The following PHYHIPL variants were observed in gnomAD, a reference collection of about 807,000 sequenced individuals.
PHYHIPL encodes phytanoyl-CoA 2-hydroxylase interacting protein like.
A neutral mutation model predicts 33.4 loss-of-function variants in PHYHIPL; 9 were observed. The observed-to-expected ratio is 0.27, with a 90% CI of 0.16 to 0.47. PHYHIPL has a LOEUF of 0.47. Among genes scored for constraint, PHYHIPL ranks in the 20% least tolerant of loss-of-function variants. The pLI is 0.99. For synonymous variants in PHYHIPL, 153 were observed against 154.1 expected, an observed-to-expected ratio of 0.99 and a Z score of 0.05; for missense variants, 365 against 460.7, an observed-to-expected ratio of 0.79 and a Z score of 1.90.
At chr10:59,221,641 T>G in intron 1 of PHYHIPL, 1 of 980,180 alleles carries the variant, frequency 1.0e-6, no homozygotes, top group Non-Finnish European at 1.2e-6. Flanking sequence ...GTCAGTGGAA[T>G]CAGAATTTTG....
At chr10:59,227,360 T>C (rs1839954264) in intron 1 of PHYHIPL, among the ~76,000 whole-genome samples, 1 of 152,070 alleles carries the variant, frequency 6.6e-6, no homozygotes, top group Admixed American at 6.5e-5. Flanking sequence ...ACGACACTCT[T>C]TCTCTGAAAC....
intron 2 of PHYHIPL, among the ~76,000 whole-genome samples, chr10:59,235,406 G>T (rs918574304): frequency 6.6e-6 from 1 of 151,778 alleles, no homozygotes; most frequent in Non-Finnish European, 1.5e-5. Flanking sequence ...TTTCACTGAT[G>T]ATGAAAATCT....
chr10:59,200,347 G>A (rs1202387328), intron 1 of PHYHIPL, among the ~76,000 whole-genome samples: 2 of 152,116 alleles, frequency 1.3e-5, no homozygotes, highest in African/African-American at 2.4e-5. Flanking sequence ...CTGTTTATAT[G>A]CTGGATTACT....
At chr10:59,202,901 T>TA (rs1839162482) in intron 1 of PHYHIPL, among the ~76,000 whole-genome samples, 1 of 152,172 alleles carries the variant, frequency 6.6e-6, no homozygotes, top group Non-Finnish European at 1.5e-5. Flanking sequence ...TATTTTTTAC[T>TA]TAGGGTTTAA....
intron 1 of PHYHIPL, among the ~76,000 whole-genome samples, chr10:59,187,547 C>T (rs550830823): frequency 2.0e-5 from 3 of 152,278 alleles, no homozygotes; most frequent in Non-Finnish European, 4.4e-5. Context: ...ATGGTACCAG[C>T]TCCTGCTTGT....
rs114745943 is a variant in PHYHIPL, at chr10:59,235,558, G to A, written c.304-925G>A. Among the ~76,000 whole-genome samples the A allele has an allele frequency of 9.4e-3, 1,436 of 151,988 alleles. 5 individuals are homozygous for A. The highest frequency in any genetic ancestry group is 0.02 in the Admixed American group (311 of 15,206). The stretch of plus-strand genomic sequence containing the variant: ...TGAGGATCATACATACTACAGATAA[G>A]TGTGAAAGAGGGAGCAAGATTGAGC... On this transcript the variant is annotated intron_variant, in intron 2 of 4. Coordinates refer to ENST00000373880, the MANE Select transcript of PHYHIPL (RefSeq NM_032439.4).
At chr10:59,241,783 A>G (rs996604493) in intron 4 of PHYHIPL, among the ~76,000 whole-genome samples, 2 of 152,082 alleles carry the variant, frequency 1.3e-5, no homozygotes, top group African/African-American at 2.4e-5. Context: ...ACATCTATCT[A>G]TTGTTTACTC....
intron 1 of PHYHIPL, among the ~76,000 whole-genome samples, chr10:59,231,986 A>C (rs1305695414): frequency 1.3e-5 from 2 of 152,040 alleles, no homozygotes; most frequent in African/African-American, 4.8e-5. Context: ...GAGGAAACAA[A>C]ACTGAAATTA....
intron 1 of PHYHIPL, 61 bp from the exon 2 acceptor site, chr10:59,234,243 G>T: frequency 1.5e-6 from 2 of 1,309,614 alleles, no homozygotes; most frequent in South Asian, 1.4e-5. Context: ...TCCATTAATT[G>T]GAAATAAATT....
In PHYHIPL at chr10:59,176,671, C is replaced by T. The variant is rs566162820; in HGVS notation, c.-183C>T. ...GCCGCACACTCCGCGGAGCTCCTGC[C>T]ACAGCCGTCGCCTTCGCGGCGGCTC... On this transcript the variant is annotated 5_prime_UTR_variant, in exon 1 of 5. Coordinates refer to ENST00000373880, the MANE Select transcript of PHYHIPL (RefSeq NM_032439.4). 29 of 572,602 alleles carry T rather than the reference C, an allele frequency of 5.1e-5. No homozygotes were observed. In the East Asian group the frequency reaches 8.7e-4, roughly 17 times the overall value. 35.5% of individuals were successfully genotyped at this position (572,602 alleles called of 1,614,324 possible).
intron 1 of PHYHIPL, among the ~76,000 whole-genome samples, chr10:59,188,606 T>A (rs1022712579): frequency 6.6e-6 from 1 of 152,186 alleles, no homozygotes; most frequent in African/African-American, 2.4e-5. Context: ...AGTCTAAGTC[T>A]CTTTGTAGGT....
intron 1 of PHYHIPL, among the ~76,000 whole-genome samples, chr10:59,179,473 C>A (rs1838341168): frequency 6.6e-6 from 1 of 151,828 alleles, no homozygotes; most frequent in African/African-American, 2.4e-5. Flanking sequence ...TTTTAATCTA[C>A]TGTTAATTTG....
intron 1 of PHYHIPL, among the ~76,000 whole-genome samples, chr10:59,216,954 T>C (rs1839633533): frequency 6.6e-6 from 1 of 152,162 alleles, no homozygotes; most frequent in Admixed American, 6.6e-5. Flanking sequence ...AATGCATGTC[T>C]GTTGAACAAG....
chr10:59,225,136 A>G (rs1839890457), intron 1 of PHYHIPL, among the ~76,000 whole-genome samples: 1 of 150,266 alleles, frequency 6.7e-6, no homozygotes, highest in East Asian at 1.9e-4. Context: ...ACCTGGGCCA[A>G]AATGAGTAAG....
intron 3 of PHYHIPL, among the ~76,000 whole-genome samples, chr10:59,237,138 C>A (rs911601917): frequency 6.6e-6 from 1 of 151,516 alleles, no homozygotes; most frequent in Non-Finnish European, 1.5e-5. Context: ...CACTGGAGTA[C>A]TAGAAGACCT....
In PHYHIPL at chr10:59,245,419, T is replaced by A. The variant is rs1278921625; in HGVS notation, c.959T>A (p.Leu320Gln). 8 of 1,614,046 alleles carry A rather than the reference T, an allele frequency of 5.0e-6. No individual in the cohort carries two copies. The highest frequency in any genetic ancestry group is 4.5e-5 in the East Asian group (2 of 44,894). ...FLTCTEEDGV[L>Q]VYHHAQDVIL... ...ACCTGTACAGAAGAAGATGGGGTGC[T>A]GGTTTACCACCATGCCCAGGATGTC... Residue 320 changes from leucine to glutamine, a missense_variant, in exon 5 of 5, where the codon CTG (leucine) becomes CAG (glutamine). Physicochemically the swap from Leu to Gln is moderately radical, Grantham distance 113. Around this residue, in one of 4 missense-constraint regions of PHYHIPL, gnomAD observed 196 missense variants for 224.9 expected, o/e 0.87. Coordinates refer to ENST00000373880, the MANE Select transcript of PHYHIPL (RefSeq NM_032439.4).
chr10:59,229,287 A>G (rs1223818769), intron 1 of PHYHIPL, among the ~76,000 whole-genome samples: 1 of 152,200 alleles, frequency 6.6e-6, no homozygotes, highest in Non-Finnish European at 1.5e-5. Flanking sequence ...GAGAAATATT[A>G]TGTGGTTATA....
At chr10:59,225,657 A>G (rs895833914) in intron 1 of PHYHIPL, among the ~76,000 whole-genome samples, 6 of 152,194 alleles carry the variant, frequency 3.9e-5, no homozygotes, top group Non-Finnish European at 8.8e-5. Context: ...AGAATAAACT[A>G]ATATGAAGTT....
chr10:59,239,684 A>G (rs1234759721), intron 4 of PHYHIPL, among the ~76,000 whole-genome samples: 1 of 151,996 alleles, frequency 6.6e-6, no homozygotes, highest in African/African-American at 2.4e-5. Flanking sequence ...TAGTTTTTAT[A>G]TTTACAGCAC....
Sources: allele counts gnomAD v4.1 joint callset (sites outside exome capture counted in the v4.1 genomes callset), GRCh38; gene constraint gnomAD v4.1.1; regional missense constraint gnomAD v4.1.1; transcripts MANE v1.5; gene names NCBI Gene and HGNC (gene_info 2026-07-23, HGNC 2026-07-21).